The following IQCJ variants were observed in gnomAD, a reference collection of about 807,000 sequenced individuals.
IQCJ encodes the protein IQ domain-containing protein J.
A neutral mutation model predicts 11.0 loss-of-function variants in IQCJ; 9 were observed. The ratio of observed to expected loss-of-function variants is 0.82; its 90% CI spans 0.49 to 1.43. The LOEUF (loss-of-function observed/expected upper bound fraction) is 1.43, where lower values mean the gene tolerates loss of function less well. Ranked by LOEUF, IQCJ falls within the 40% of genes most tolerant of loss-of-function variation. IQCJ has a pLI of 0.00. For missense variants in IQCJ, 146 were observed against 133.2 expected (o/e 1.10, Z -0.47); for synonymous variants, 55 against 51.3 (o/e 1.07, Z -0.31).
In IQCJ at chr3:159,255,070, T is replaced by C. The variant is rs1408003964; in HGVS notation, c.155+2263T>C. 2.0e-5 allele frequency among the ~76,000 whole-genome samples: 3 copies of C among 152,228 alleles called. No individual in the cohort carries two copies. In the East Asian group the frequency reaches 5.8e-4, roughly 29 times the overall value. On this transcript the variant is annotated intron_variant, in intron 3 of 3. Transcript: ENST00000397832. ...TCCTGCTTTCCAAGATAAGTTTTTT[T>C]AGTCCTGAAGAGCATTGGGTATAAA...
At position 159,174,436 on chromosome 3, in the gene IQCJ, T is replaced by G. The variant is rs145879716; in HGVS notation, c.10-71407T>G. On this transcript the variant is annotated intron_variant, in intron 1 of 3. Transcript: ENST00000397832. The stretch of plus-strand genomic sequence containing the variant: ...ATTAATGTACACAGGAGCACAGAGA[T>G]AAATACAAATATTCATCTTTCCATC... Among the ~76,000 whole-genome samples the G allele has an allele frequency of 7.8e-3, 1,189 of 152,260 alleles. 14 individuals are homozygous for G. Among genetic ancestry groups the G allele is most frequent in the African/African-American group, 0.027 (1,116 of 41,570 alleles).
chr3:159,218,721 G>A (rs1725373716), intron 1 of IQCJ, among the ~76,000 whole-genome samples: 1 of 152,056 alleles, frequency 6.6e-6, no homozygotes, highest in Admixed American at 6.6e-5. Flanking sequence ...GGGGCTGTTT[G>A]GAGTGAATCT....
Position 159,263,322 on chromosome 3 carries a change from G to A in IQCJ, c.*591G>A. On this transcript the variant is annotated 3_prime_UTR_variant, in exon 4 of 4. Transcript: ENST00000397832. ...AAATCTGCATTTTTAAGTGTTAGCA[G>A]CCAGTAAGAAAATTTAAAAGGTAAA... 1 of 494,416 alleles carries A rather than the reference G, an allele frequency of 2.0e-6. No individual in the cohort carries two copies. The highest frequency in any genetic ancestry group is 8.7e-5 in the South Asian group (1 of 11,484). 30.6% of individuals were successfully genotyped at this position (494,416 alleles called of 1,614,324 possible). A position where few individuals can be genotyped will look rare whatever the true frequency, so the allele number is the denominator to read the frequency against.
At chr3:159,225,408 AG>A (rs1221434234) in intron 1 of IQCJ, among the ~76,000 whole-genome samples, 1 of 152,176 alleles carries the variant, frequency 6.6e-6, no homozygotes, top group Non-Finnish European at 1.5e-5. Context: ...TATGGCTGTA[AG>A]GGGGGAGCAG....
intron 1 of IQCJ, among the ~76,000 whole-genome samples, chr3:159,190,458 A>G (rs1351301417): frequency 6.6e-6 from 1 of 152,246 alleles, no homozygotes; most frequent in Non-Finnish European, 1.5e-5. Flanking sequence ...ATGGAAGGAC[A>G]CATGAGTGTT....
intron 1 of IQCJ, among the ~76,000 whole-genome samples, chr3:159,192,654 C>T (rs1723758558): frequency 6.6e-6 from 1 of 152,198 alleles, no homozygotes; most frequent in African/African-American, 2.4e-5. Context: ...AGGAGGCCCT[C>T]TTCAGCCAAG....
At chr3:159,214,155 C>T (rs901219863) in intron 1 of IQCJ, among the ~76,000 whole-genome samples, 2 of 152,170 alleles carry the variant, frequency 1.3e-5, no homozygotes, top group Non-Finnish European at 2.9e-5. Context: ...CTCAACATGA[C>T]CCATACACAA....
chr3:159,212,410 G>T (rs879884221), intron 1 of IQCJ, among the ~76,000 whole-genome samples: 2 of 152,154 alleles, frequency 1.3e-5, no homozygotes, highest in Non-Finnish European at 2.9e-5. Flanking sequence ...AAGATGAAAT[G>T]AATTAAATGT....
intron 1 of IQCJ, among the ~76,000 whole-genome samples, chr3:159,162,864 C>G (rs537203263): frequency 6.6e-6 from 1 of 152,292 alleles, no homozygotes; most frequent in African/African-American, 2.4e-5. Context: ...CCTCCCAAGA[C>G]TAAACCAGGA....
At chr3:159,171,606 C>A (rs1169113011) in intron 1 of IQCJ, among the ~76,000 whole-genome samples, 3 of 152,164 alleles carry the variant, frequency 2.0e-5, no homozygotes, top group Non-Finnish European at 2.9e-5. Context: ...CAGAGGAGAC[C>A]TTTAAAAAAA....
At chr3:159,192,335 T>C (rs185724893) in intron 1 of IQCJ, among the ~76,000 whole-genome samples, 11 of 152,316 alleles carry the variant, frequency 7.2e-5, no homozygotes, top group Admixed American at 4.6e-4. Flanking sequence ...CTTGTGTTCA[T>C]TACATACAAA....
chr3:159,081,204 A>G (rs1034765639), intron 1 of IQCJ, among the ~76,000 whole-genome samples: 1 of 152,082 alleles, frequency 6.6e-6, no homozygotes, highest in Non-Finnish European at 1.5e-5. Context: ...CAACATCTTC[A>G]TGAATACAGA....
At chr3:159,205,342 A>G (rs1724590762) in intron 1 of IQCJ, among the ~76,000 whole-genome samples, 1 of 152,226 alleles carries the variant, frequency 6.6e-6, no homozygotes, top group African/African-American at 2.4e-5. Context: ...CTCCCTGTAA[A>G]GTCAGGACAT....
chr3:159,107,395 G>C (rs1718330264), intron 1 of IQCJ, among the ~76,000 whole-genome samples: 1 of 152,060 alleles, frequency 6.6e-6, no homozygotes, highest in African/African-American at 2.4e-5. Context: ...CCTTAATCTT[G>C]GACTTTCCCT....
chr3:159,262,612 C>G lies in IQCJ; in HGVS notation c.220C>G (p.Pro74Ala), dbSNP rs2108238186. 2 of 1,613,976 alleles carry G rather than the reference C, an allele frequency of 1.2e-6. No homozygotes were observed. The highest frequency in any genetic ancestry group is 1.7e-6 in the Non-Finnish European group (2 of 1,179,874). Residue 74 changes from proline to alanine, a missense_variant, in exon 4 of 4, where the codon CCA becomes GCA. By Grantham distance (27) the Pro-to-Ala change is conservative. Transcript: ENST00000397832. ...GCCCCTGGGGAAGAGGAGCCCGTCC[C>G]CACCCTCTGTCTCCTCAGAGAAGCT... is the stretch of plus-strand genomic sequence containing the variant. ...QEPLGKRSPS[P>A]PSVSSEKLSS...
intron 2 of IQCJ, among the ~76,000 whole-genome samples, chr3:159,246,648 T>A (rs1727289632): frequency 6.6e-6 from 1 of 152,124 alleles, no homozygotes; most frequent in Non-Finnish European, 1.5e-5. Flanking sequence ...CGTTTAAGAA[T>A]CACATTGACA....
At chr3:159,214,975 T>C (rs1231679063) in intron 1 of IQCJ, among the ~76,000 whole-genome samples, 1 of 152,182 alleles carries the variant, frequency 6.6e-6, no homozygotes, top group African/African-American at 2.4e-5. Context: ...CAAAAGAAGA[T>C]ATTGGGGAGA....
At chr3:159,182,099 C>A (rs1394143618) in intron 1 of IQCJ, among the ~76,000 whole-genome samples, 4 of 151,906 alleles carry the variant, frequency 2.6e-5, no homozygotes, top group African/African-American at 7.3e-5. Context: ...TGTAGCTCAA[C>A]AAATGCCTTA....
At chr3:159,199,612 A>G (rs1724195305) in intron 1 of IQCJ, among the ~76,000 whole-genome samples, 1 of 152,156 alleles carries the variant, frequency 6.6e-6, no homozygotes, top group Admixed American at 6.5e-5. Flanking sequence ...GGCGGGAGGA[A>G]AGCTGGTCTC....
Sources: gnomAD v4.1 joint callset for allele counts (sites outside exome capture counted in the v4.1 genomes callset) on GRCh38, gnomAD v4.1.1 for gene constraint, MANE v1.5 for transcripts, NCBI Gene and HGNC (gene_info 2026-07-23, HGNC 2026-07-21) for gene names.